SFMBT2: variants seen among roughly 807,000 people sequenced by gnomAD.
The protein encoded by SFMBT2 is Scm like with four mbt domains 2.
Under a neutral mutation model 110.1 loss-of-function variants are expected in SFMBT2, and 38 were observed. That is an observed-to-expected ratio of 0.35 (90% confidence interval 0.27 to 0.45). The LOEUF is 0.45. Among genes scored for constraint, SFMBT2 ranks in the 20% least tolerant of loss-of-function variants. SFMBT2 has a pLI of 1.00. For missense variants in SFMBT2, 1,011 were observed against 1,094.9 expected (o/e 0.92, Z 1.08); for synonymous variants, 425 against 425.4 (o/e 1.00, Z 0.01).
intron 17 of SFMBT2, among the ~76,000 whole-genome samples, chr10:7,174,202 A>C (rs1050397156): frequency 9.9e-5 from 15 of 152,146 alleles, no homozygotes; most frequent in African/African-American, 3.6e-4. Context: ...TTCTATAAGG[A>C]CCGTGTTACT....
chr10:7,200,575 T>G, intron 13 of SFMBT2, 91 bp from the exon 14 acceptor site: 12 of 1,056,794 alleles, frequency 1.1e-5, no homozygotes, highest in African/African-American at 1.6e-5. Flanking sequence ...AAAAGGGCTC[T>G]TCCAGAAATC....
chr10:7,391,554 C>T (rs2244841), intron 1 of SFMBT2, among the ~76,000 whole-genome samples: 2,689 of 152,034 alleles, frequency 0.018, 81 homozygotes, highest in African/African-American at 0.061. Context: ...CCCCCTACGT[C>T]CACCCAGGTG....
chr10:7,355,949 T>C (rs1450558326), intron 4 of SFMBT2, among the ~76,000 whole-genome samples: 5 of 152,258 alleles, frequency 3.3e-5, no homozygotes, highest in Non-Finnish European at 7.3e-5. Flanking sequence ...AAATTTATTA[T>C]ATTTGTGCTT....
intron 9 of SFMBT2, among the ~76,000 whole-genome samples, chr10:7,231,973 G>T (rs1054799042): frequency 6.6e-6 from 1 of 152,174 alleles, no homozygotes; most frequent in Non-Finnish European, 1.5e-5. Context: ...ACGTACTAAG[G>T]CTTAACTGTG....
intron 10 of SFMBT2, among the ~76,000 whole-genome samples, chr10:7,225,852 A>T (rs1423608844): frequency 2.6e-5 from 4 of 152,342 alleles, no homozygotes; most frequent in South Asian, 4.1e-4. Context: ...CAATCTCAAA[A>T]GGGTTTTAGG....
In SFMBT2 at chr10:7,205,837, C is replaced by A; in HGVS notation, c.1422G>T (p.Leu474Phe). 1 of 1,614,014 alleles carries A rather than the reference C, an allele frequency of 6.2e-7. No individual in the cohort carries two copies. Among genetic ancestry groups the A allele is most frequent in the South Asian group, 1.1e-5 (1 of 91,056 alleles). The change falls in exon 12 of 21, where the codon TTG (leucine) becomes TTT (phenylalanine). Residue 474 changes from leucine (L) to phenylalanine (F), a missense_variant. Physicochemically the swap from Leu to Phe is conservative, Grantham distance 22. Coordinates refer to ENST00000397167, the MANE Select transcript of SFMBT2 (RefSeq NM_001387889.1). ...VGWCEANSYP[L>F]TAPHKTVSQK... The stretch of plus-strand genomic sequence containing the variant: ...TACAGACTGTTTTGTGTGGTGCAGT[C>A]AAAGGATAAGAATTGGCTTCACACC...
At chr10:7,179,834 AC>A (rs1371965190) in intron 16 of SFMBT2, among the ~76,000 whole-genome samples, 1 of 152,258 alleles carries the variant, frequency 6.6e-6, no homozygotes, top group African/African-American at 2.4e-5. Flanking sequence ...TTTCACGGAA[AC>A]AAGTGTTTCA....
chr10:7,308,762 T>C (rs748285681), intron 4 of SFMBT2, among the ~76,000 whole-genome samples: 6 of 152,182 alleles, frequency 3.9e-5, no homozygotes, highest in Non-Finnish European at 8.8e-5. Flanking sequence ...GGCCCACTTT[T>C]ACATTATGCA....
At chr10:7,378,045 G>A (rs1439351313) in intron 2 of SFMBT2, among the ~76,000 whole-genome samples, 1 of 150,838 alleles carries the variant, frequency 6.6e-6, no homozygotes, top group Admixed American at 6.6e-5. Flanking sequence ...GTGGATGGGT[G>A]GATGGATGGA....
intron 7 of SFMBT2, chr10:7,248,916 T>C (rs1325179762): frequency 6.0e-6 from 1 of 167,110 alleles, no homozygotes; most frequent in Non-Finnish European, 1.2e-5. Flanking sequence ...GACACTGCTT[T>C]GCTCGTCCTT....
intron 7 of SFMBT2, among the ~76,000 whole-genome samples, chr10:7,274,655 C>T (rs916570246): frequency 1.3e-5 from 2 of 152,122 alleles, no homozygotes; most frequent in African/African-American, 2.4e-5. Context: ...CTTTATAAAT[C>T]ACCCAGTCTC....
chr10:7,275,275 T>C (rs1841735388), intron 7 of SFMBT2, among the ~76,000 whole-genome samples: 1 of 152,130 alleles, frequency 6.6e-6, no homozygotes, highest in Non-Finnish European at 1.5e-5. Flanking sequence ...CAAAATAAAA[T>C]TTATTTTTTC....
At chr10:7,363,301 A>G (rs1292889671) in intron 4 of SFMBT2, among the ~76,000 whole-genome samples, 1 of 151,478 alleles carries the variant, frequency 6.6e-6, no homozygotes, top group Admixed American at 6.6e-5. Flanking sequence ...GCCTTCTACC[A>G]TGACTGTGAG....
chr10:7,304,171 T>C (rs957370311), intron 4 of SFMBT2, among the ~76,000 whole-genome samples: 2 of 152,182 alleles, frequency 1.3e-5, no homozygotes, highest in Non-Finnish European at 2.9e-5. Flanking sequence ...AATTCACTTG[T>C]GTCTTGGGAG....
rs748184669 is a variant in SFMBT2 at position 7,172,126 on chromosome 10, G to A, written c.2184C>T (p.Asp728=). The A allele has an allele frequency of 2.2e-5, 35 of 1,574,360 alleles. No individual in the cohort carries two copies. The highest frequency in any genetic ancestry group is 2.8e-5 in the Non-Finnish European group (32 of 1,159,320). Residue 728 remains aspartate, a synonymous_variant, in exon 19 of 21, where the codon GAC becomes GAT. Coordinates refer to ENST00000397167, the MANE Select transcript of SFMBT2 (RefSeq NM_001387889.1). This position sits in a 1 kb window ranked among gnomAD's most constrained non-coding sequence, Gnocchi z 4.6. ...CGGTCTCCTCACTGGCGGTGTCATC[G>A]TCCATGGCGTCAGCGTCCTCCTCTT... ...ESEEEDADAM[D]DDTASEETGS...
At chr10:7,388,969 A>G (rs1845696561) in intron 1 of SFMBT2, among the ~76,000 whole-genome samples, 1 of 152,222 alleles carries the variant, frequency 6.6e-6, no homozygotes, top group Non-Finnish European at 1.5e-5. Context: ...GGTGTGAACT[A>G]AGACAGTGGA....
Position 7,170,574 on chromosome 10 carries a change from A to G in SFMBT2, c.2544+354T>C, listed in dbSNP as rs1837843774. On this transcript the variant is annotated intron_variant, in intron 20 of 20. Transcript: ENST00000397167. The surrounding 1 kb of genome is among the most constrained non-coding windows in gnomAD (Gnocchi z 4.6). ...CCCTGCCTGGTGGTAAAGAGCCCCCACTGTAGAGTCGGTGGAGATGGCAGG... is the reference window on the plus strand; with the variant it reads ...CCCTGCCTGGTGGTAAAGAGCCCCCGCTGTAGAGTCGGTGGAGATGGCAGG... 6.6e-6 allele frequency among the ~76,000 whole-genome samples: 1 copy of G among 152,084 alleles called. No homozygotes were observed. Among genetic ancestry groups the G allele is most frequent in the Admixed American group, 6.5e-5 (1 of 15,274 alleles).
chr10:7,184,317 T>C (rs1838332817), intron 16 of SFMBT2, among the ~76,000 whole-genome samples: 2 of 152,136 alleles, frequency 1.3e-5, no homozygotes, highest in Non-Finnish European at 2.9e-5. Context: ...ATACTTTTCC[T>C]GTGGTAGTGA....
intron 4 of SFMBT2, chr10:7,287,225 A>G (rs1410854305): frequency 6.6e-6 from 1 of 151,356 alleles, no homozygotes; most frequent in Non-Finnish European, 1.5e-5. Flanking sequence ...GACTACAGGC[A>G]CCCGCCACCA....
Sources: gnomAD v4.1 joint callset for allele counts (sites outside exome capture counted in the v4.1 genomes callset) on GRCh38, gnomAD v4.1.1 for gene constraint, Gnocchi (gnomAD v3.1) non-coding constraint, MANE v1.5 for transcripts, NCBI Gene and HGNC (gene_info 2026-07-23, HGNC 2026-07-21) for gene names.